ARID1B: variants seen among roughly 807,000 people sequenced by gnomAD.
ARID1B encodes AT-rich interactive domain-containing protein 1B.
A neutral mutation model predicts 212.3 loss-of-function variants in ARID1B; 30 were observed. The ratio of observed to expected loss-of-function variants is 0.14; its 90% CI spans 0.11 to 0.19. The LOEUF (loss-of-function observed/expected upper bound fraction) is 0.19, where lower values mean the gene tolerates loss of function less well. ARID1B is among the 10% of genes least tolerant of loss of function. ARID1B has a pLI of 1.00. For synonymous variants in ARID1B, 1,402 were observed against 1,301.7 expected (o/e 1.08, Z -1.66); for missense variants, 2,891 against 3,204.0 (o/e 0.90, Z 2.36).
chr6:157,027,154 C>T (rs975317419), intron 4 of ARID1B, among the ~76,000 whole-genome samples: 11 of 152,124 alleles, frequency 7.2e-5, no homozygotes, highest in African/African-American at 2.7e-4. Flanking sequence ...TCCCTAGAGT[C>T]ATTTTTTCTT....
intron 3 of ARID1B, among the ~76,000 whole-genome samples, chr6:156,935,108 GTTTGACACAGGGTCTCGC>G (rs1394108548): frequency 6.6e-6 from 1 of 151,056 alleles, no homozygotes; most frequent in Non-Finnish European, 1.5e-5. Context: ...GTTCTGTTTT[GTTTGACACAGGGTCTCGC>G]TCTGTCACCC....
chr6:156,840,832 T>C (rs988886773), intron 2 of ARID1B, among the ~76,000 whole-genome samples: 4 of 152,140 alleles, frequency 2.6e-5, no homozygotes, highest in Non-Finnish European at 4.4e-5. Context: ...CTAACCCCAT[T>C]GAGTAAATTG....
intron 3 of ARID1B, among the ~76,000 whole-genome samples, chr6:156,909,430 G>A (rs567037365): frequency 5.3e-5 from 8 of 152,154 alleles, no homozygotes; most frequent in Admixed American, 1.3e-4. Flanking sequence ...GGACAAGGGC[G>A]TTTCTTATAT....
At chr6:156,851,222 C>A (rs1430776120) in intron 2 of ARID1B, among the ~76,000 whole-genome samples, 1 of 152,152 alleles carries the variant, frequency 6.6e-6, no homozygotes, top group Admixed American at 6.5e-5. Context: ...GGGGCTGCTT[C>A]TAGAAAGGGG....
chr6:156,835,181 A>G (rs1220003458), intron 2 of ARID1B, among the ~76,000 whole-genome samples: 1 of 148,910 alleles, frequency 6.7e-6, no homozygotes, highest in Non-Finnish European at 1.5e-5. Flanking sequence ...CGGAGCTTGC[A>G]GTGAGCCGAG....
At chr6:156,924,367 T>C (rs966708140) in intron 3 of ARID1B, among the ~76,000 whole-genome samples, 1 of 152,240 alleles carries the variant, frequency 6.6e-6, no homozygotes, top group East Asian at 1.9e-4. Context: ...TCAAGAACTT[T>C]TCACTTAAAG....
At chr6:156,793,714 C>T (rs1197909283) in intron 1 of ARID1B, among the ~76,000 whole-genome samples, 1 of 152,180 alleles carries the variant, frequency 6.6e-6, no homozygotes, top group Non-Finnish European at 1.5e-5. Context: ...TCGTTCTAGT[C>T]AGGAGTGACT....
At position 157,120,939 on chromosome 6, in the gene ARID1B, G is replaced by A. The variant is rs373090773; in HGVS notation, c.2581+10378G>A. ...TTCCTGCATGGGCCTGGCCACGCAC[G>A]CTTTCTGTGTTTGCTGATTTCTCTT... On this transcript the variant is annotated intron_variant, in intron 6 of 19. Coordinates refer to ENST00000636930, the MANE Select transcript of ARID1B (RefSeq NM_001374828.1). Among the ~76,000 whole-genome samples the A allele has an allele frequency of 5.4e-4, 82 of 152,294 alleles. 1 individual carries two copies. In the South Asian group the frequency reaches 0.01, roughly 19 times the overall value.
chr6:157,040,199 A>G (rs1439262564), intron 4 of ARID1B, among the ~76,000 whole-genome samples: 2 of 152,156 alleles, frequency 1.3e-5, no homozygotes, highest in African/African-American at 4.8e-5. Flanking sequence ...CGGCCTCCCA[A>G]AGTGCTGGGA....
chr6:156,845,043 T>A (rs976684237), intron 2 of ARID1B, among the ~76,000 whole-genome samples: 1 of 144,670 alleles, frequency 6.9e-6, no homozygotes, highest in Admixed American at 6.9e-5. Context: ...TTCCCGTGTC[T>A]GGGGAGATGT....
intron 3 of ARID1B, among the ~76,000 whole-genome samples, chr6:156,930,141 C>T (rs1262401001): frequency 6.6e-6 from 1 of 152,178 alleles, no homozygotes; most frequent in African/African-American, 2.4e-5. Flanking sequence ...CCACCCAAAT[C>T]TCATGTCTAA....
At chr6:157,025,789 A>G (rs1296653134) in intron 4 of ARID1B, among the ~76,000 whole-genome samples, 2 of 152,232 alleles carry the variant, frequency 1.3e-5, no homozygotes, top group African/African-American at 4.8e-5. Flanking sequence ...ATAGGTTTTC[A>G]TGTTAATATA....
intron 4 of ARID1B, among the ~76,000 whole-genome samples, chr6:156,967,522 G>T (rs1454692936): frequency 6.6e-6 from 1 of 151,606 alleles, no homozygotes; most frequent in Non-Finnish European, 1.5e-5. Flanking sequence ...GAGAGAAGAG[G>T]AGGAGGGAGA....
At chr6:157,125,969 A>G (rs1788108759) in intron 6 of ARID1B, among the ~76,000 whole-genome samples, 1 of 152,188 alleles carries the variant, frequency 6.6e-6, no homozygotes, top group African/African-American at 2.4e-5. Flanking sequence ...CAGTTCCTCG[A>G]GGGCAAGGAT....
intron 4 of ARID1B, among the ~76,000 whole-genome samples, chr6:157,051,167 G>A (rs549857822): frequency 6.6e-6 from 1 of 152,198 alleles, no homozygotes; most frequent in East Asian, 1.9e-4. Context: ...AAAGATGAGC[G>A]GGGGACGCAA....
chr6:157,038,228 T>C (rs955822238), intron 4 of ARID1B, among the ~76,000 whole-genome samples: 2 of 152,154 alleles, frequency 1.3e-5, no homozygotes, highest in African/African-American at 2.4e-5. Flanking sequence ...GAAGTCAGTT[T>C]GGGAGGATAG....
chr6:157,034,794 A>G (rs1056974671), intron 4 of ARID1B, among the ~76,000 whole-genome samples: 1 of 152,238 alleles, frequency 6.6e-6, no homozygotes, highest in Non-Finnish European at 1.5e-5. Flanking sequence ...AGTTGCTGAT[A>G]TTAAAATCTT....
intron 2 of ARID1B, among the ~76,000 whole-genome samples, chr6:156,897,866 C>A (rs997719568): frequency 6.6e-6 from 1 of 152,008 alleles, no homozygotes; most frequent in African/African-American, 2.4e-5. Flanking sequence ...TTCCTTGATT[C>A]GTTAAAATTT....
At chr6:157,016,766 T>C (rs1263961541) in intron 4 of ARID1B, among the ~76,000 whole-genome samples, 1 of 152,248 alleles carries the variant, frequency 6.6e-6, no homozygotes, top group Non-Finnish European at 1.5e-5. Flanking sequence ...TACTTATTTT[T>C]ACTAATCTTT....
Sources: allele counts gnomAD v4.1 joint callset (sites outside exome capture counted in the v4.1 genomes callset), GRCh38; gene constraint gnomAD v4.1.1; transcripts MANE v1.5; gene names NCBI Gene and HGNC (gene_info 2026-07-23, HGNC 2026-07-21).